The following GCN1 variants were observed in gnomAD, a reference collection of about 807,000 sequenced individuals.
GCN1 encodes the protein GCN1 activator of EIF2AK4, also known as stalled ribosome sensor GCN1.
A neutral mutation model predicts 288.4 loss-of-function variants in GCN1; 90 were observed. The ratio of observed to expected loss-of-function variants is 0.31; its 90% CI spans 0.26 to 0.37. GCN1 has a LOEUF of 0.37. Ranked by LOEUF, GCN1 falls within the 10% of genes least tolerant of loss-of-function variation. GCN1 has a pLI of 1.00. For missense variants in GCN1, 2,586 were observed against 3,419.9 expected, an observed-to-expected ratio of 0.76 and a Z score of 6.08; for synonymous variants, 1,386 against 1,420.2, an observed-to-expected ratio of 0.98 and a Z score of 0.54.
At chr12:120,193,270 T>C (rs1252832754) in intron 1 of GCN1, among the ~76,000 whole-genome samples, 1 of 152,194 alleles carries the variant, frequency 6.6e-6, no homozygotes, top group Non-Finnish European at 1.5e-5. Context: ...TGTGGCTAAC[T>C]GTGCACTGAA....
rs943182759 is a variant in GCN1, at chr12:120,173,802, G to A, written c.1217C>T (p.Ala406Val). Residue 406 changes from alanine (A) to valine (V), a missense_variant, in exon 14 of 58, where the codon GCT becomes GTT. By Grantham distance (64) the Ala-to-Val change is moderately conservative (BLOSUM62 0). Transcript: ENST00000300648. ...QEVHEGTLVH[A>V]VSVLALWCNR... ...ACACCAGAGAGCCAGGACTGAGACA[G>A]CGTGTACCAAGGTCCCTTCATGAAC... 42 of 1,613,796 alleles carry A rather than the reference G, an allele frequency of 2.6e-5. No homozygotes were observed. The highest frequency in any genetic ancestry group is 3.4e-5 in the Non-Finnish European group (40 of 1,179,766).
chr12:120,193,417 T>G (rs996272442), intron 1 of GCN1, among the ~76,000 whole-genome samples: 19 of 152,128 alleles, frequency 1.2e-4, no homozygotes, highest in Non-Finnish European at 2.4e-4. Context: ...GCGATTCTCA[T>G]GCCTCAGCCT....
chr12:120,171,309 A>G (rs1405624057), intron 14 of GCN1, among the ~76,000 whole-genome samples: 2 of 151,800 alleles, frequency 1.3e-5, no homozygotes, highest in Non-Finnish European at 2.9e-5. Context: ...CTATTAAAAA[A>G]TACAAAAATT....
intron 50 of GCN1, 48 bp from the exon 51 acceptor site, chr12:120,136,780 C>A: frequency 7.1e-7 from 1 of 1,410,366 alleles, no homozygotes. Context: ...CACCCTGGGC[C>A]CTGGTGTCTC....
In GCN1 at chr12:120,133,786, C is replaced by T. The variant is rs1014168077; in HGVS notation, c.7317+505G>A. 1.4e-4 allele frequency among the ~76,000 whole-genome samples: 22 copies of T among 152,124 alleles called. No homozygotes were observed. In the East Asian group the frequency reaches 2.3e-3, roughly 16 times the overall value. On this transcript the variant is annotated intron_variant, in intron 53 of 57. Transcript: ENST00000300648. ...GCCTCATCTATAAAATAGAAATAAC[C>T]GGCCGGGCGCGGTGGCTCATGCCTG...
Position 120,131,234 on chromosome 12 carries a change from T to G in GCN1, c.7514A>C (p.Tyr2505Ser). 1 of 1,614,148 alleles carries G rather than the reference T, an allele frequency of 6.2e-7. No homozygotes were observed. Among genetic ancestry groups the G allele is most frequent in the Non-Finnish European group, 8.5e-7 (1 of 1,179,990 alleles). The change falls in exon 55 of 58, where the codon TAT becomes TCT. Residue 2505 changes from tyrosine (Y) to serine (S), a missense_variant. Physicochemically the swap from Tyr to Ser is moderately radical, Grantham distance 144. This residue lies in a region of GCN1 where 355 missense variants were observed against 431.1 expected (regional missense o/e 0.82). Transcript: ENST00000300648. ...VAPGRLCAGR[Y>S]SSDVQEMILS... ...GATCATTTCCTGAACATCACTGCTA[T>G]ATCTGCCGGCACAAAGTCTGCCAGG...
chr12:120,130,838 G>A, intron 55 of GCN1, 85 bp from the exon 56 acceptor site: 2 of 779,198 alleles, frequency 2.6e-6, no homozygotes, highest in Non-Finnish European at 4.3e-6. Flanking sequence ...TAATCTCCAG[G>A]ACCCTCCACT....
At chr12:120,184,525 C>T (rs769434332) in intron 3 of GCN1, among the ~76,000 whole-genome samples, 2 of 152,200 alleles carry the variant, frequency 1.3e-5, no homozygotes, top group Non-Finnish European at 2.9e-5. Flanking sequence ...ATTTAACACA[C>T]ATGACTAAAT....
chr12:120,177,913 A>C (rs918357404), intron 7 of GCN1, 161 bp from the exon 8 acceptor site: 15 of 641,714 alleles, frequency 2.3e-5, no homozygotes, highest in Non-Finnish European at 3.9e-5. Flanking sequence ...CCCCACTTAA[A>C]ACCCTTCCAC....
chr12:120,140,585 C>G (rs538937213), intron 45 of GCN1, among the ~76,000 whole-genome samples: 49 of 152,338 alleles, frequency 3.2e-4, no homozygotes, highest in Admixed American at 1.2e-3. Flanking sequence ...GCAACCTCCA[C>G]AGTTGTAAGA....
At chr12:120,150,075 G>A (rs1488368254) in intron 34 of GCN1, 32 bp from the exon 35 acceptor site, 3 of 1,611,122 alleles carry the variant, frequency 1.9e-6, no homozygotes, top group Non-Finnish European at 2.5e-6. Flanking sequence ...CGGCTGGGAA[G>A]AGAATGTCCC....
At chr12:120,188,462 C>T (rs1469915981) in intron 2 of GCN1, among the ~76,000 whole-genome samples, 2 of 147,578 alleles carry the variant, frequency 1.4e-5, no homozygotes. Flanking sequence ...AAAAAAACCT[C>T]TCCCAACTTA....
chr12:120,163,273 CAT>C lies in GCN1; in HGVS notation c.1849-16_1849-15del. Reference sequence around the variant, plus strand: ...TAAGGGCAGCACCTGTGTGGAGACACATGAGATAATACTGCTAAGAGCCCTGT... The same window carrying C: ...TAAGGGCAGCACCTGTGTGGAGACACGAGATAATACTGCTAAGAGCCCTGT... On this transcript the variant is annotated splice_polypyrimidine_tract_variant and intron_variant, in intron 18 of 57. Coordinates refer to ENST00000300648, the MANE Select transcript of GCN1 (RefSeq NM_006836.2). 1 of 1,607,756 alleles carries C rather than the reference CAT, an allele frequency of 6.2e-7. No individual in the cohort carries two copies. The highest frequency in any genetic ancestry group is 8.5e-7 in the Non-Finnish European group (1 of 1,174,398).
intron 38 of GCN1, among the ~76,000 whole-genome samples, chr12:120,145,566 C>A (rs983683315): frequency 6.6e-6 from 1 of 152,216 alleles, no homozygotes; most frequent in Non-Finnish European, 1.5e-5. Context: ...CCAGGCCCAT[C>A]CTCAACAAAC....
At position 120,184,850 on chromosome 12, in the gene GCN1, C is replaced by A; in HGVS notation, c.159G>T (p.Leu53Phe). The A allele has an allele frequency of 6.2e-7, 1 of 1,612,750 alleles. No individual in the cohort carries two copies. Among genetic ancestry groups the A allele is most frequent in the Non-Finnish European group, 8.5e-7 (1 of 1,178,944 alleles). The change falls in exon 3 of 58, where the codon TTG becomes TTT. Residue 53 changes from leucine to phenylalanine, a missense_variant. Coordinates refer to ENST00000300648, the MANE Select transcript of GCN1 (RefSeq NM_006836.2). The stretch of plus-strand genomic sequence containing the variant: ...TATATCGATGCAGAGTCAAGCAGAA[C>A]AATTTGCAGAGCCCCTTCACTGCTC... ...PEGAVKGLCK[L>F]FCLTLHRYRD...
chr12:120,162,726 A>G lies in GCN1; in HGVS notation c.2163+121T>C, dbSNP rs1045610445. The G allele has an allele frequency of 1.9e-5, 22 of 1,136,642 alleles. No homozygotes were observed. The African/African-American group carries it at 3.3e-4, about 17-fold the overall frequency. 70.4% of individuals were successfully genotyped at this position (1,136,642 alleles called of 1,614,324 possible). On this transcript the variant is annotated intron_variant, in intron 20 of 57. Transcript: ENST00000300648. The stretch of plus-strand genomic sequence containing the variant: ...GTTTACATTTCTGTCACGTGCAACC[A>G]AGGGTCCAAGCCTACATTTCATCCA...
chr12:120,150,020 G>T lies in GCN1; in HGVS notation c.4333C>A (p.Leu1445Ile). 1 of 1,614,112 alleles carries T rather than the reference G, an allele frequency of 6.2e-7. No individual in the cohort carries two copies. The highest frequency in any genetic ancestry group is 8.5e-7 in the Non-Finnish European group (1 of 1,179,982). Residue 1445 changes from leucine to isoleucine, a missense_variant, in exon 35 of 58, where the codon CTC becomes ATC. Leu to Ile is a conservative substitution (Grantham distance 5, BLOSUM62 2). Coordinates refer to ENST00000300648, the MANE Select transcript of GCN1 (RefSeq NM_006836.2). ...AAAAGTTTCCCCAGCATGGTGCAGA[G>T]CATCTCGAAGGCAAAGAGGGCTCCT... ...REGALFAFEM[L>I]CTMLGKLFEP...
chr12:120,168,614 T>A (rs1283088679), intron 15 of GCN1, among the ~76,000 whole-genome samples: 1 of 152,180 alleles, frequency 6.6e-6, no homozygotes, highest in Non-Finnish European at 1.5e-5. Context: ...CTTCCCTGAC[T>A]GGGGCTGTTT....
rs775420716 is a variant in GCN1 at position 120,137,680 on chromosome 12, G to A, written c.6528C>T (p.Asn2176=). ...GMRQAAAIIL[N]IYCSRSKADY... is the part of the protein sequence containing the mutation. ...CAGCCTTTGAGCGGGAACAGTAGAT[G>A]TTGAGGATGATGGCAGCAGCTTGCC... is the stretch of plus-strand genomic sequence containing the variant. The change falls in exon 49 of 58, where the codon AAC becomes AAT. Residue 2176 remains asparagine, a synonymous_variant. Coordinates refer to ENST00000300648, the MANE Select transcript of GCN1 (RefSeq NM_006836.2). The surrounding 1 kb of genome is among the most constrained non-coding windows in gnomAD (Gnocchi z 5.2). 27 of 1,614,060 alleles carry A rather than the reference G, an allele frequency of 1.7e-5. No individual in the cohort carries two copies. The African/African-American group carries it at 3.5e-4, about 21-fold the overall frequency.
Sources: allele counts gnomAD v4.1 joint callset (sites outside exome capture counted in the v4.1 genomes callset), GRCh38; gene constraint gnomAD v4.1.1; regional missense constraint gnomAD v4.1.1; non-coding constraint Gnocchi (gnomAD v3.1); transcripts MANE v1.5; gene names NCBI Gene and HGNC (gene_info 2026-07-23, HGNC 2026-07-21).